Variants in MSI2 observed in about 807,000 individuals in gnomAD.
MSI2 encodes the protein RNA-binding protein Musashi homolog 2.
In MSI2, 17 loss-of-function variants were observed where a neutral mutation model predicts 45.6. That is an observed-to-expected ratio of 0.37 (90% CI 0.26 to 0.56). MSI2 has a LOEUF of 0.56. Among genes scored for constraint, MSI2 ranks in the 20% least tolerant of loss-of-function variants. MSI2 has a pLI of 0.77. For synonymous variants in MSI2, 156 were observed against 158.2 expected (o/e 0.99, Z 0.11); for missense variants, 293 against 444.2 (o/e 0.66, Z 3.06).
At chr17:57,531,234 A>G (rs149502182) in intron 7 of MSI2, among the ~76,000 whole-genome samples, 2,879 of 152,322 alleles carry the variant, frequency 0.019, 40 homozygotes, top group African/African-American at 0.02. Flanking sequence ...TTGTTGTGAC[A>G]TTGGGAAAAA....
intron 10 of MSI2, among the ~76,000 whole-genome samples, chr17:57,645,797 G>A (rs2144666271): frequency 6.6e-6 from 1 of 152,194 alleles, no homozygotes; most frequent in African/African-American, 2.4e-5. Context: ...CGCAGGGGTG[G>A]GACCCAAAAA....
At chr17:57,638,511 T>C (rs950984733) in intron 10 of MSI2, among the ~76,000 whole-genome samples, 1 of 152,196 alleles carries the variant, frequency 6.6e-6, no homozygotes, top group Non-Finnish European at 1.5e-5. Context: ...AGCCGTTGAC[T>C]CTGCTGGACA....
intron 7 of MSI2, among the ~76,000 whole-genome samples, chr17:57,548,104 ATCC>A: frequency 6.6e-6 from 1 of 152,176 alleles, no homozygotes; most frequent in Admixed American, 6.5e-5. Context: ...GCATCGTGGC[ATCC>A]TCCTCCCAGT....
intron 10 of MSI2, among the ~76,000 whole-genome samples, chr17:57,644,021 G>A (rs1316576241): frequency 6.6e-6 from 1 of 152,102 alleles, no homozygotes; most frequent in Non-Finnish European, 1.5e-5. Context: ...AGCTGAGGGC[G>A]AGACATTGCC....
At chr17:57,271,888 T>C (rs958346739) in intron 5 of MSI2, among the ~76,000 whole-genome samples, 2 of 151,646 alleles carry the variant, frequency 1.3e-5, no homozygotes, top group Non-Finnish European at 2.9e-5. Flanking sequence ...GCTATAAAAG[T>C]TTTTTTCTTT....
intron 6 of MSI2, among the ~76,000 whole-genome samples, chr17:57,507,961 T>C (rs1215813131): frequency 6.6e-6 from 1 of 152,218 alleles, no homozygotes. Context: ...CATTTTCTTT[T>C]TAATCCTTGC....
At chr17:57,609,399 C>T (rs141951278) in intron 8 of MSI2, among the ~76,000 whole-genome samples, 100 of 152,326 alleles carry the variant, frequency 6.6e-4, no homozygotes, top group African/African-American at 2.3e-3. Flanking sequence ...TACCTGAGCA[C>T]TGGGGAATTT....
intron 6 of MSI2, among the ~76,000 whole-genome samples, chr17:57,456,585 C>T (rs940461033): frequency 2.0e-5 from 3 of 151,426 alleles, no homozygotes; most frequent in South Asian, 2.1e-4. Flanking sequence ...ACAGAGCGAT[C>T]GAGACTCCAT....
intron 9 of MSI2, among the ~76,000 whole-genome samples, chr17:57,624,666 G>C (rs1463140602): frequency 6.6e-6 from 1 of 152,180 alleles, no homozygotes; most frequent in African/African-American, 2.4e-5. Context: ...GGAAGGAGCA[G>C]GTGGCAAGAC....
intron 5 of MSI2, among the ~76,000 whole-genome samples, chr17:57,329,974 C>T (rs1914111599): frequency 6.6e-6 from 1 of 151,526 alleles, no homozygotes; most frequent in Admixed American, 6.6e-5. Flanking sequence ...CTTATTTAAC[C>T]TTTCTGTGTC....
At chr17:57,522,270 AC>A (rs2086604443) in intron 6 of MSI2, 1 of 152,192 alleles carries the variant, frequency 6.6e-6, no homozygotes, top group Admixed American at 6.5e-5. Flanking sequence ...GTTTATTTAT[AC>A]TAACACTTGG....
rs115782514 is a variant in MSI2, at chr17:57,486,129, C to T, written c.406-43547C>T. Among the ~76,000 whole-genome samples the T allele has an allele frequency of 9.3e-3, 1,410 of 152,340 alleles. 20 individuals carry two copies. Among genetic ancestry groups the T allele is most frequent in the African/African-American group, 0.031 (1,302 of 41,570 alleles). On this transcript the variant is annotated intron_variant, in intron 6 of 13. Transcript: ENST00000284073. Reference sequence around the variant, plus strand: ...ATGCAAATTGCTCTCTGACTTTGAACACCCACGTGAGTAGAAGCAGTGTTT... The same window carrying T: ...ATGCAAATTGCTCTCTGACTTTGAATACCCACGTGAGTAGAAGCAGTGTTT...
chr17:57,347,368 G>A (rs534281037), intron 5 of MSI2, among the ~76,000 whole-genome samples: 22 of 152,234 alleles, frequency 1.4e-4, no homozygotes, highest in African/African-American at 3.4e-4. Flanking sequence ...GATCTTAGCC[G>A]TTATTTTAAA....
intron 5 of MSI2, among the ~76,000 whole-genome samples, chr17:57,400,914 C>T (rs1270095570): frequency 6.6e-6 from 1 of 152,086 alleles, no homozygotes; most frequent in Non-Finnish European, 1.5e-5. Context: ...TGCTTGCAGA[C>T]GTATACCAGC....
intron 7 of MSI2, among the ~76,000 whole-genome samples, chr17:57,592,760 G>T (rs1207653998): frequency 6.6e-6 from 1 of 152,130 alleles, no homozygotes; most frequent in Non-Finnish European, 1.5e-5. Flanking sequence ...CCTGAGTCTT[G>T]CCCCGACCCT....
At position 57,590,508 on chromosome 17, in the gene MSI2, T is replaced by A. The variant is rs74718775; in HGVS notation, c.455-6360T>A. Among the ~76,000 whole-genome samples the A allele has an allele frequency of 4.3e-3, 662 of 152,378 alleles. 1 individual carries two copies. Among genetic ancestry groups the A allele is most frequent in the Middle Eastern group, 0.01 (3 of 294 alleles). Reference sequence around the variant, plus strand: ...ATAAAAGAGGGGGAAAAGGTTTGACTGTTAAATGCTTATCTCTTAAATAGT... The same window carrying A: ...ATAAAAGAGGGGGAAAAGGTTTGACAGTTAAATGCTTATCTCTTAAATAGT... On this transcript the variant is annotated intron_variant, in intron 7 of 13. Coordinates refer to ENST00000284073, the MANE Select transcript of MSI2 (RefSeq NM_138962.4).
chr17:57,531,966 T>G (rs1294243747), intron 7 of MSI2: 1 of 152,302 alleles, frequency 6.6e-6, no homozygotes, highest in Non-Finnish European at 1.5e-5. Context: ...GGGACGGGCG[T>G]GGGAAGAGTT....
intron 6 of MSI2, among the ~76,000 whole-genome samples, chr17:57,510,445 G>A (rs1426056104): frequency 6.6e-6 from 1 of 151,348 alleles, no homozygotes; most frequent in Non-Finnish European, 1.5e-5. Context: ...TGTTTTTCTG[G>A]AGACAGAGTT....
intron 6 of MSI2, among the ~76,000 whole-genome samples, chr17:57,497,408 G>A (rs927063957): frequency 6.6e-6 from 1 of 152,210 alleles, no homozygotes; most frequent in African/African-American, 2.4e-5. Flanking sequence ...GACTTTGGCA[G>A]GCAGCTGTGT....
Sources: gnomAD v4.1 joint callset for allele counts (sites outside exome capture counted in the v4.1 genomes callset) on GRCh38, gnomAD v4.1.1 for gene constraint, MANE v1.5 for transcripts, NCBI Gene and HGNC (gene_info 2026-07-23, HGNC 2026-07-21) for gene names.